Variants in SLC45A1 observed in about 807,000 individuals in gnomAD.
The protein encoded by SLC45A1 is solute carrier family 45 member 1.
A neutral mutation model predicts 57.6 loss-of-function variants in SLC45A1; 28 were observed. That is an observed-to-expected ratio of 0.49 (90% CI 0.36 to 0.67). The LOEUF is 0.67. SLC45A1 is among the 30% of genes least tolerant of loss of function. The pLI is 0.00. For missense variants in SLC45A1, 814 were observed against 1,041.5 expected (o/e 0.78, Z 3.01); for synonymous variants, 459 against 471.5 (o/e 0.97, Z 0.34).
intron 1 of SLC45A1, among the ~76,000 whole-genome samples, chr1:8,320,161 G>A (rs11121163): frequency 0.98 from 148,707 of 152,340 alleles, 72,694 homozygotes; most frequent in East Asian, 1. Context: ...CCAGGATTAA[G>A]CTAGGTTTAA....
At chr1:8,338,501 G>A (rs917980286) in intron 7 of SLC45A1, among the ~76,000 whole-genome samples, 4 of 152,254 alleles carry the variant, frequency 2.6e-5, no homozygotes, top group Admixed American at 6.5e-5. Flanking sequence ...GGGCGAAGCC[G>A]AGGTGCCATC....
rs1474269352 is a variant in SLC45A1, at chr1:8,327,324, T to C, written c.715+1282T>C. On this transcript the variant is annotated intron_variant, in intron 4 of 8. Coordinates refer to ENST00000471889, the MANE Select transcript of SLC45A1 (RefSeq NM_001080397.3). The surrounding 1 kb of genome is among the most constrained non-coding windows in gnomAD (Gnocchi z 4.3). The stretch of plus-strand genomic sequence containing the variant: ...CTTAATGGTGAAACAGGAGAAATGT[T>C]CCCATCAAAGTCAGGAATGAGGCAA... Among the ~76,000 whole-genome samples, 3 of 152,042 alleles carry C rather than the reference T, an allele frequency of 2.0e-5. No individual in the cohort carries two copies. The highest frequency in any genetic ancestry group is 7.3e-5 in the African/African-American group (3 of 41,378).
Position 8,326,595 on chromosome 1 carries a change from G to A in SLC45A1, c.715+553G>A, listed in dbSNP as rs899933121. Among the ~76,000 whole-genome samples the A allele has an allele frequency of 5.9e-5, 9 of 152,128 alleles. No homozygotes were observed. The highest frequency in any genetic ancestry group is 1.9e-4 in the African/African-American group (8 of 41,408). On this transcript the variant is annotated intron_variant, in intron 4 of 8. Transcript: ENST00000471889. The surrounding 1 kb of genome is among the most constrained non-coding windows in gnomAD (Gnocchi z 5.5). Reference sequence around the variant, plus strand: ...ATCCGGCTTTCTTGCACCTGGAAACGTCAGACAGCTTGGGGGCCATTTAAA... The same window carrying A: ...ATCCGGCTTTCTTGCACCTGGAAACATCAGACAGCTTGGGGGCCATTTAAA...
intron 2 of SLC45A1, 137 bp downstream of exon 2, chr1:8,324,863 A>G: frequency 1.2e-6 from 1 of 844,238 alleles, no homozygotes; most frequent in East Asian, 2.7e-5. Flanking sequence ...ACTGTGGGGA[A>G]CACAGGTACC....
chr1:8,341,261 G>A (rs1248891124), intron 8 of SLC45A1, among the ~76,000 whole-genome samples: 4 of 151,554 alleles, frequency 2.6e-5, no homozygotes, highest in Non-Finnish European at 5.9e-5. Flanking sequence ...ACAGCCGGGT[G>A]CGGTGGCTCA....
At chr1:8,333,715 G>A (rs1490951399) in intron 5 of SLC45A1, among the ~76,000 whole-genome samples, 7 of 152,242 alleles carry the variant, frequency 4.6e-5, no homozygotes, top group South Asian at 4.1e-4. Context: ...GATTCCAGGC[G>A]TGAGCCACCG....
chr1:8,337,697 C>T (rs561901501), intron 6 of SLC45A1, 119 bp from the exon 7 acceptor site: 20 of 926,686 alleles, frequency 2.2e-5, no homozygotes, highest in South Asian at 1.2e-4. Context: ...GGATTACAGG[C>T]GTGAGCCACC....
intron 1 of SLC45A1, among the ~76,000 whole-genome samples, chr1:8,323,442 G>A (rs193218610): frequency 0.013 from 1,898 of 144,738 alleles, 42 homozygotes; most frequent in African/African-American, 0.048. Flanking sequence ...AATGAGCCAA[G>A]ATCAAGCCAC....
At chr1:8,329,948 A>G (rs1473497) in intron 4 of SLC45A1, among the ~76,000 whole-genome samples, 96,190 of 151,928 alleles carry the variant, frequency 0.63, 32,675 homozygotes, top group East Asian at 0.82. Context: ...AAGGGGATGT[A>G]GGCAGGTGGT....
chr1:8,325,309 C>T lies in SLC45A1; in HGVS notation c.409C>T (p.Gln137Ter). 17 of 1,613,346 alleles carry T rather than the reference C, an allele frequency of 1.1e-5. No homozygotes were observed. Among genetic ancestry groups the T allele is most frequent in the Non-Finnish European group, 1.4e-5 (16 of 1,179,388 alleles). ...CTGCTCTGTTTCAGGATTCCTACTG[C>T]AGCCTCTGTTGGGTGCTTGGAGTGA... is the stretch of plus-strand genomic sequence containing the variant. ...FISPILGFLL[Q>*]PLLGAWSDRC... The change falls in exon 3 of 9, where the codon CAG becomes TAG. Residue 137 changes from glutamine (Q) to a stop codon, truncating the protein, a stop_gained. Coordinates refer to ENST00000471889, the MANE Select transcript of SLC45A1 (RefSeq NM_001080397.3). LOFTEE classifies it high-confidence loss of function. The surrounding 1 kb of genome is among the most constrained non-coding windows in gnomAD (Gnocchi z 6.3).
Position 8,327,812 on chromosome 1 carries a change from C to T in SLC45A1, c.715+1770C>T, listed in dbSNP as rs1640248137. Among the ~76,000 whole-genome samples, 1 of 152,192 alleles carries T rather than the reference C, an allele frequency of 6.6e-6. No individual in the cohort carries two copies. Among genetic ancestry groups the T allele is most frequent in the African/African-American group, 2.4e-5 (1 of 41,444 alleles). ...TTGAGAGGCTGAAGTGGGTGAATCACTTGAGGTCAGGCGTTCAAGACCAGC... is the reference window on the plus strand; with the variant it reads ...TTGAGAGGCTGAAGTGGGTGAATCATTTGAGGTCAGGCGTTCAAGACCAGC... On this transcript the variant is annotated intron_variant, in intron 4 of 8. Coordinates refer to ENST00000471889, the MANE Select transcript of SLC45A1 (RefSeq NM_001080397.3). The surrounding 1 kb of genome is among the most constrained non-coding windows in gnomAD (Gnocchi z 4.3).
Position 8,325,822 on chromosome 1 carries a change from A to G in SLC45A1, c.495A>G (p.Ala165=), listed in dbSNP as rs140406795. 2.0e-3 allele frequency: 3,156 copies of G among 1,612,866 alleles called. 5 individuals are homozygous for G. Among genetic ancestry groups the G allele is most frequent in the Non-Finnish European group, 2.2e-3 (2,590 of 1,179,986 alleles). The change falls in exon 4 of 9, where the codon GCA becomes GCG. Residue 165 remains alanine (A), a synonymous_variant. Transcript: ENST00000471889. This position sits in a 1 kb window ranked among gnomAD's most constrained non-coding sequence, Gnocchi z 6.3. ...RPFILVLAIG[A]LLGLSLLLNG... ...ACTTTGTTTCTCTGTGTCCAGGGGCACTGCTGGGCCTCTCGCTCTTGCTGA... is the reference window on the plus strand; with the variant it reads ...ACTTTGTTTCTCTGTGTCCAGGGGCGCTGCTGGGCCTCTCGCTCTTGCTGA...
Position 8,326,116 on chromosome 1 carries a change from T to C in SLC45A1, c.715+74T>C. 1 of 1,145,900 alleles carries C rather than the reference T, an allele frequency of 8.7e-7. No homozygotes were observed. Among genetic ancestry groups the C allele is most frequent in the Non-Finnish European group, 1.3e-6 (1 of 788,232 alleles). The allele number at this position is 1,145,900 out of a possible 1,614,324, so 71.0% of individuals were successfully genotyped here. On this transcript the variant is annotated intron_variant, in intron 4 of 8. Transcript: ENST00000471889. This position sits in a 1 kb window ranked among gnomAD's most constrained non-coding sequence, Gnocchi z 5.5. ...TCAGACGTGTGGCTTTCGAGGCCCT[T>C]CCTCACTCCCTGATTTAACAAAGAA...
intron 8 of SLC45A1, among the ~76,000 whole-genome samples, chr1:8,341,518 G>GTGGCT (rs1640816361): frequency 3.5e-5 from 5 of 142,876 alleles, no homozygotes; most frequent in East Asian, 2.1e-4. Context: ...CTGGGCGACA[G>GTGGCT]AGCGAGACTC....
chr1:8,329,761 C>T (rs1353904344), intron 4 of SLC45A1, among the ~76,000 whole-genome samples: 3 of 152,218 alleles, frequency 2.0e-5, no homozygotes, highest in Non-Finnish European at 4.4e-5. Flanking sequence ...GGCGGCTCTC[C>T]TCATGGTGTT....
At position 8,337,934 on chromosome 1, in the gene SLC45A1, C is replaced by A; in HGVS notation, c.1716C>A (p.Gly572=). The change falls in exon 7 of 9, where the codon GGC becomes GGA. Residue 572 remains glycine, a synonymous_variant. Transcript: ENST00000471889. ...TSEAYQKYNS[G]VTMGCWGMCI... ...AGGCGTATCAGAAGTACAACAGCGG[C>A]GTGACCATGGGCTGCTGGGGCATGT... 1 of 1,614,136 alleles carries A rather than the reference C, an allele frequency of 6.2e-7. No homozygotes were observed. The highest frequency in any genetic ancestry group is 1.7e-5 in the Admixed American group (1 of 60,030).
rs1304358639 is a variant in SLC45A1 at position 8,322,331 on chromosome 1, G to A, written c.-24-1975G>A. ...GGATGGATGGATGGATGGATGGATG[G>A]ATGGATGGATGCATGGATGGATGGA... On this transcript the variant is annotated intron_variant, in intron 1 of 8. Coordinates refer to ENST00000471889, the MANE Select transcript of SLC45A1 (RefSeq NM_001080397.3). Among the ~76,000 whole-genome samples the A allele has an allele frequency of 9.0e-4, 31 of 34,404 alleles. 13 individuals are homozygous for A. Among genetic ancestry groups the A allele is most frequent in the African/African-American group, 3.0e-3 (11 of 3,710 alleles). The allele number at this position is 34,404 out of a possible 152,430, so 22.6% of individuals were successfully genotyped here. A position where few individuals can be genotyped will look rare whatever the true frequency, so the allele number is the denominator to read the frequency against.
chr1:8,324,762 C>A, intron 2 of SLC45A1, 36 bp downstream of exon 2: 2 of 1,527,690 alleles, frequency 1.3e-6, no homozygotes, highest in African/African-American at 1.4e-5. Flanking sequence ...TGGAGGGCCT[C>A]TGGAAGCCTC....
Position 8,330,434 on chromosome 1 carries a change from C to T in SLC45A1, c.941C>T (p.Pro314Leu), listed in dbSNP as rs1156933937. 23 of 1,611,362 alleles carry T rather than the reference C, an allele frequency of 1.4e-5. No individual in the cohort carries two copies. Among genetic ancestry groups the T allele is most frequent in the Middle Eastern group, 1.6e-4 (1 of 6,078 alleles). The change falls in exon 5 of 9, where the codon CCA (proline) becomes CTA (leucine). Residue 314 changes from proline to leucine, a missense_variant. Coordinates refer to ENST00000471889, the MANE Select transcript of SLC45A1 (RefSeq NM_001080397.3). This position sits in a 1 kb window ranked among gnomAD's most constrained non-coding sequence, Gnocchi z 8.4. ...CCCAGCCTCCCGCTGCCCCCGTCCC[C>T]ACCCGTCCTGCCAGAGGAAGGCCCT... ...KSPSLPLPPS[P>L]PVLPEEGPGD...
Sources: allele counts gnomAD v4.1 joint callset (sites outside exome capture counted in the v4.1 genomes callset), GRCh38; gene constraint gnomAD v4.1.1; non-coding constraint Gnocchi (gnomAD v3.1); transcripts MANE v1.5; gene names NCBI Gene and HGNC (gene_info 2026-07-23, HGNC 2026-07-21).